The following OR2L13 variants were observed in gnomAD, a reference collection of about 807,000 sequenced individuals.
OR2L13 encodes the protein olfactory receptor 2L13.
OR2L13 carries 14 observed loss-of-function variants against 15.3 expected under a neutral mutation model. The ratio of observed to expected loss-of-function variants is 0.91; its 90% confidence interval spans 0.60 to 1.43. The LOEUF (loss-of-function observed/expected upper bound fraction) is 1.43, where lower values mean the gene tolerates loss of function less well. Ranked by LOEUF, OR2L13 falls within the 40% of genes most tolerant of loss-of-function variation. The probability of loss-of-function intolerance (pLI) is 0.00; values close to 1 mark genes in which losing one functional copy is unlikely to be tolerated. For missense variants in OR2L13, 367 were observed against 387.9 expected, an observed-to-expected ratio of 0.95 and a Z score of 0.45; for synonymous variants, 152 against 142.9, an observed-to-expected ratio of 1.06 and a Z score of -0.45.
the OR2L13 span, chr1:248,083,594 GT>G: frequency 8.2e-7 from 1 of 1,226,442 alleles, no homozygotes; most frequent in Non-Finnish European, 1.2e-6. Context: ...GTGTTAAAAT[GT>G]TGATAAATTC....
At chr1:248,068,159 G>C in the OR2L13 span, among the ~76,000 whole-genome samples, 2 of 152,092 alleles carry the variant, frequency 1.3e-5, no homozygotes, top group African/African-American at 2.4e-5. Context: ...CTCCCAGCAC[G>C]CAGCTGGAGA....
the OR2L13 span, among the ~76,000 whole-genome samples, chr1:247,977,016 T>C: frequency 6.6e-6 from 1 of 151,826 alleles, no homozygotes; most frequent in Admixed American, 6.6e-5. Flanking sequence ...TTCAACTTTA[T>C]CTTTATATTC....
At chr1:248,055,322 C>T in the OR2L13 span, among the ~76,000 whole-genome samples, 2 of 152,104 alleles carry the variant, frequency 1.3e-5, no homozygotes, top group African/African-American at 2.4e-5. Context: ...TTTTGATGTG[C>T]TGCTGGATTC....
the OR2L13 span, among the ~76,000 whole-genome samples, chr1:247,988,068 G>A: frequency 5.1e-3 from 772 of 151,908 alleles, 7 homozygotes; most frequent in African/African-American, 0.018. Context: ...TTTTTTCTAG[G>A]AAAATATTTC....
At chr1:248,025,820 A>G in the OR2L13 span, among the ~76,000 whole-genome samples, 1,638 of 151,958 alleles carry the variant, frequency 0.011, 20 homozygotes, top group African/African-American at 0.037. Context: ...GAAATTGGAA[A>G]TCATTATTCT....
chr1:248,022,759 A>C, the OR2L13 span: 2 of 1,614,060 alleles, frequency 1.2e-6, no homozygotes, highest in African/African-American at 1.3e-5. Context: ...ACAGAGGACA[A>C]GGTTCTGGCT....
the OR2L13 span, among the ~76,000 whole-genome samples, chr1:247,972,930 G>A: frequency 0.019 from 2,923 of 152,190 alleles, 86 homozygotes; most frequent in African/African-American, 0.066. Flanking sequence ...TATCCACCAC[G>A]GTCAAGTTGG....
At chr1:247,954,962 T>A in the OR2L13 span, among the ~76,000 whole-genome samples, 2 of 151,232 alleles carry the variant, frequency 1.3e-5, no homozygotes, top group African/African-American at 2.4e-5. Context: ...ATATATATAT[T>A]TTTACTTTAA....
At chr1:247,969,925 G>C in the OR2L13 span, among the ~76,000 whole-genome samples, 2 of 152,094 alleles carry the variant, frequency 1.3e-5, no homozygotes, top group African/African-American at 4.8e-5. Flanking sequence ...CATACAACAT[G>C]GGTTGGTGTT....
At chr1:248,072,227 A>G in the OR2L13 span, among the ~76,000 whole-genome samples, 122 of 152,324 alleles carry the variant, frequency 8.0e-4, no homozygotes, top group African/African-American at 2.7e-3. Context: ...ACTTCAAACT[A>G]TACTACAAGG....
chr1:247,950,939 G>T, the OR2L13 span, among the ~76,000 whole-genome samples: 134 of 152,228 alleles, frequency 8.8e-4, no homozygotes, highest in African/African-American at 3.1e-3. Context: ...CCAACAGAGA[G>T]AAATGATACA....
At chr1:247,949,229 T>C in the OR2L13 span, 18 of 1,614,234 alleles carry the variant, frequency 1.1e-5, 1 homozygote, top group South Asian at 1.8e-4. Context: ...GTTACATTGC[T>C]ATTTGCTTTC....
the OR2L13 span, chr1:247,949,013 C>T: frequency 5.0e-6 from 8 of 1,613,696 alleles, no homozygotes; most frequent in Admixed American, 3.3e-5. Flanking sequence ...TCTTGGACAC[C>T]CATCTCCACA....
At chr1:247,962,028 T>C in the OR2L13 span, among the ~76,000 whole-genome samples, 1 of 152,154 alleles carries the variant, frequency 6.6e-6, no homozygotes, top group African/African-American at 2.4e-5. Flanking sequence ...GATCATATGA[T>C]CCCTCCCCTC....
At chr1:248,019,047 C>T in the OR2L13 span, among the ~76,000 whole-genome samples, 16 of 152,124 alleles carry the variant, frequency 1.1e-4, no homozygotes, top group East Asian at 1.9e-3. Context: ...TCTCTGTGGA[C>T]GGACACTTGT....
chr1:247,994,396 C>T, the OR2L13 span, among the ~76,000 whole-genome samples: 20 of 152,096 alleles, frequency 1.3e-4, no homozygotes, highest in Admixed American at 7.9e-4. Context: ...GACTCCATCT[C>T]AAAAACAAAC....
At chr1:247,975,682 C>A in the OR2L13 span, 1 of 899,072 alleles carries the variant, frequency 1.1e-6, no homozygotes, top group Non-Finnish European at 1.8e-6. Flanking sequence ...GCCTTAGAGT[C>A]CAAGCACTAG....
chr1:247,994,128 A>G, the OR2L13 span, among the ~76,000 whole-genome samples: 7 of 152,230 alleles, frequency 4.6e-5, no homozygotes, highest in East Asian at 1.9e-4. Flanking sequence ...CGGGCACGGT[A>G]GCTCAAGCCT....
the OR2L13 span, among the ~76,000 whole-genome samples, chr1:247,983,955 G>A: frequency 2.0e-5 from 3 of 152,116 alleles, no homozygotes; most frequent in African/African-American, 7.2e-5. Flanking sequence ...TGAGGAGATG[G>A]GGGGTCCAGT....
Sources: allele counts gnomAD v4.1 joint callset (sites outside exome capture counted in the v4.1 genomes callset), GRCh38; gene constraint gnomAD v4.1.1; transcripts MANE v1.5; gene names NCBI Gene and HGNC (gene_info 2026-07-23, HGNC 2026-07-21).